ANTXR1: variants seen among roughly 807,000 people sequenced by gnomAD.
ANTXR1 encodes the protein anthrax toxin receptor 1.
Under a neutral mutation model 78.1 loss-of-function variants are expected in ANTXR1, and 19 were observed. The ratio of observed to expected loss-of-function variants is 0.24; its 90% CI spans 0.17 to 0.36. ANTXR1 has a LOEUF of 0.36. Ranked by LOEUF, ANTXR1 falls within the 10% of genes least tolerant of loss-of-function variation. The pLI is 1.00. For synonymous variants in ANTXR1, 273 were observed against 260.5 expected (o/e 1.05, Z -0.46); for missense variants, 518 against 718.6 (o/e 0.72, Z 3.19).
chr2:69,137,813 G>A (rs896938460), intron 12 of ANTXR1, among the ~76,000 whole-genome samples: 3 of 150,722 alleles, frequency 2.0e-5, no homozygotes, highest in Non-Finnish European at 3.0e-5. Context: ...CAGTGGGCGC[G>A]GTGGCTCCGC....
chr2:69,084,752 T>C (rs577671639), intron 8 of ANTXR1, among the ~76,000 whole-genome samples: 27 of 151,998 alleles, frequency 1.8e-4, no homozygotes, highest in African/African-American at 6.5e-4. Flanking sequence ...TTATTTAAAG[T>C]CAGATTCTAT....
chr2:69,061,805 C>T (rs1003122967), intron 3 of ANTXR1, among the ~76,000 whole-genome samples: 6 of 152,150 alleles, frequency 3.9e-5, no homozygotes, highest in African/African-American at 1.4e-4. Context: ...TGCTGGTAAT[C>T]AGCATCTAGT....
chr2:69,154,438 G>C (rs1252355311), intron 13 of ANTXR1, among the ~76,000 whole-genome samples: 2 of 152,150 alleles, frequency 1.3e-5, no homozygotes, highest in Non-Finnish European at 2.9e-5. Flanking sequence ...TGATGCTCCA[G>C]AGCAGGGCAG....
chr2:69,162,872 G>A (rs1673717771), intron 13 of ANTXR1, among the ~76,000 whole-genome samples: 1 of 152,112 alleles, frequency 6.6e-6, no homozygotes, highest in Non-Finnish European at 1.5e-5. Context: ...GGGGAAATGG[G>A]TTCAGAGCAG....
At chr2:69,241,412 C>T (rs1023132245) in intron 17 of ANTXR1, among the ~76,000 whole-genome samples, 1 of 152,204 alleles carries the variant, frequency 6.6e-6, no homozygotes, top group Non-Finnish European at 1.5e-5. Flanking sequence ...AACCACACCC[C>T]TCTTACAAAG....
Position 69,186,933 on chromosome 2 carries a change from T to C in ANTXR1, c.1353+4273T>C, listed in dbSNP as rs551526006. Among the ~76,000 whole-genome samples the C allele has an allele frequency of 1.7e-4, 26 of 152,234 alleles. No individual in the cohort carries two copies. In the East Asian group the frequency reaches 3.9e-3, roughly 23 times the overall value. ...AGGTCAGGGAGAGTGACCCATCCAC[T>C]CGCTGCCTGCCTTGTACCTCTGCTA... is the stretch of plus-strand genomic sequence containing the variant. On this transcript the variant is annotated intron_variant, in intron 16 of 17. Coordinates refer to ENST00000303714, the MANE Select transcript of ANTXR1 (RefSeq NM_032208.3).
At chr2:69,076,150 A>G (rs113743412) in intron 7 of ANTXR1, among the ~76,000 whole-genome samples, 1 of 151,826 alleles carries the variant, frequency 6.6e-6, no homozygotes, top group Non-Finnish European at 1.5e-5. Context: ...ACTTTTTTTT[A>G]AATTTTTGTA....
chr2:69,121,031 T>A (rs1045914792), intron 10 of ANTXR1, among the ~76,000 whole-genome samples: 4 of 152,084 alleles, frequency 2.6e-5, no homozygotes, highest in Admixed American at 2.6e-4. Flanking sequence ...CCTCCCCCTC[T>A]CCCACTCCAT....
intron 13 of ANTXR1, among the ~76,000 whole-genome samples, chr2:69,161,216 C>T (rs1673674472): frequency 6.6e-6 from 1 of 152,178 alleles, no homozygotes; most frequent in Admixed American, 6.5e-5. Context: ...TGATGGAGAC[C>T]ATGCACAGCC....
intron 7 of ANTXR1, among the ~76,000 whole-genome samples, chr2:69,076,152 A>G (rs905298914): frequency 1.3e-5 from 2 of 151,840 alleles, no homozygotes; most frequent in Non-Finnish European, 1.5e-5. Context: ...TTTTTTTTAA[A>G]TTTTTGTAAA....
chr2:69,091,445 C>CAAAAAAAAAA (rs60795933), intron 9 of ANTXR1, among the ~76,000 whole-genome samples: 1 of 62,328 alleles, frequency 1.6e-5, no homozygotes, highest in Non-Finnish European at 2.9e-5. Flanking sequence ...GACACCATCT[C>CAAAAAAAAAA]AAAAAAAAAA....
intron 15 of ANTXR1, 96 bp downstream of exon 15, chr2:69,181,977 C>T (rs1241235199): frequency 2.5e-6 from 3 of 1,219,110 alleles, no homozygotes; most frequent in African/African-American, 1.5e-5. Flanking sequence ...AGATATCAGG[C>T]ATGCCCAGGG....
chr2:69,076,060 C>T (rs1162036691), intron 7 of ANTXR1, among the ~76,000 whole-genome samples: 1 of 152,234 alleles, frequency 6.6e-6, no homozygotes, highest in Admixed American at 6.5e-5. Context: ...ATCCTCCCGC[C>T]TCAGCCTCCT....
chr2:69,181,860 T>C lies in ANTXR1; in HGVS notation c.1164T>C (p.Val388=), dbSNP rs1364155961. The change falls in exon 15 of 18, where the codon GTT becomes GTC. Residue 388 remains valine (V), a synonymous_variant. Transcript: ENST00000303714. ...VDASYYGGRG[V]GGIKRMEVRW... is the part of the protein sequence containing the mutation. ...CCTCTTATTATGGTGGGAGAGGCGT[T>C]GGAGGCATTAAAAGAATGGAGGTAA... 2.5e-6 allele frequency: 4 copies of C among 1,614,072 alleles called. No homozygotes were observed. The highest frequency in any genetic ancestry group is 3.4e-6 in the Non-Finnish European group (4 of 1,179,988).
At chr2:69,182,367 T>G in intron 15 of ANTXR1, 126 bp from the exon 16 acceptor site, 1 of 1,240,490 alleles carries the variant, frequency 8.1e-7, no homozygotes, top group Non-Finnish European at 1.2e-6. Flanking sequence ...TCCCTGGCCC[T>G]CAAAACCCAA....
chr2:69,228,856 C>T (rs923332848), intron 17 of ANTXR1, among the ~76,000 whole-genome samples: 2 of 152,158 alleles, frequency 1.3e-5, no homozygotes, highest in African/African-American at 4.8e-5. Context: ...TGTGCTCAGG[C>T]TGCCATAACA....
intron 1 of ANTXR1, among the ~76,000 whole-genome samples, chr2:69,037,200 G>GAA (rs1669462968): frequency 6.6e-6 from 1 of 152,242 alleles, no homozygotes; most frequent in African/African-American, 2.4e-5. Flanking sequence ...AGCCAAGGCA[G>GAA]AATAGTTGAG....
intron 17 of ANTXR1, among the ~76,000 whole-genome samples, chr2:69,242,678 CTCTG>C (rs372585723): frequency 6.6e-6 from 1 of 152,180 alleles, no homozygotes; most frequent in Non-Finnish European, 1.5e-5. Flanking sequence ...TCTTGAGCCT[CTCTG>C]TCTGACTTTG....
At chr2:69,127,997 C>T (rs1186918084) in intron 12 of ANTXR1, among the ~76,000 whole-genome samples, 1 of 152,192 alleles carries the variant, frequency 6.6e-6, no homozygotes, top group African/African-American at 2.4e-5. Context: ...GAGACATAGG[C>T]GGGTGGATCA....
Sources: allele counts gnomAD v4.1 joint callset (sites outside exome capture counted in the v4.1 genomes callset), GRCh38; gene constraint gnomAD v4.1.1; transcripts MANE v1.5; gene names NCBI Gene and HGNC (gene_info 2026-07-23, HGNC 2026-07-21).